Variants in SPTBN2 observed in about 807,000 individuals in gnomAD.
SPTBN2 encodes the protein spectrin beta chain, non-erythrocytic 2.
A neutral mutation model predicts 284.2 loss-of-function variants in SPTBN2; 107 were observed. The ratio of observed to expected loss-of-function variants is 0.38; its 90% CI spans 0.32 to 0.44. The LOEUF (loss-of-function observed/expected upper bound fraction) is 0.44. Among genes scored for constraint, SPTBN2 ranks in the 20% least tolerant of loss-of-function variants. The probability of loss-of-function intolerance (pLI) is 1.00; values close to 1 mark genes in which losing one functional copy is unlikely to be tolerated. For missense variants in SPTBN2, 2,569 were observed against 3,287.1 expected (o/e 0.78, Z 5.34); for synonymous variants, 1,289 against 1,354.8 (o/e 0.95, Z 1.07).
intron 1 of SPTBN2, among the ~76,000 whole-genome samples, chr11:66,742,228 GAA>G (rs1461531984): frequency 2.0e-5 from 3 of 151,848 alleles, no homozygotes; most frequent in African/African-American, 7.2e-5. Context: ...AGATGAATAA[GAA>G]AAAGTGAAGA....
At chr11:66,692,407 C>T (rs778442093) in intron 26 of SPTBN2, 129 bp downstream of exon 26, 19 of 1,070,376 alleles carry the variant, frequency 1.8e-5, no homozygotes, top group Non-Finnish European at 2.6e-5. Flanking sequence ...ACCAGGAGGA[C>T]AGTGCCTGCT....
intron 28 of SPTBN2, 40 bp from the exon 29 acceptor site, chr11:66,689,983 C>G: frequency 6.2e-7 from 1 of 1,613,222 alleles, no homozygotes; most frequent in Non-Finnish European, 8.5e-7. Context: ...CTGCCCACAG[C>G]CCCATCACAG....
intron 1 of SPTBN2, chr11:66,727,912 A>C (rs1255242726): frequency 3.4e-5 from 5 of 146,732 alleles, no homozygotes; most frequent in Non-Finnish European, 6.0e-5. Context: ...ACTGTTCCAG[A>C]CTCTTCTCCC....
chr11:66,698,920 G>A, intron 19 of SPTBN2, 72 bp downstream of exon 19: 1 of 1,602,910 alleles, frequency 6.2e-7, no homozygotes, highest in Non-Finnish European at 8.5e-7. Flanking sequence ...GGTACCTTGT[G>A]CTGGACTTAT....
intron 21 of SPTBN2, among the ~76,000 whole-genome samples, chr11:66,694,571 G>A (rs1940792044): frequency 6.6e-6 from 1 of 152,174 alleles, no homozygotes; most frequent in Non-Finnish European, 1.5e-5. Context: ...AATCCCTATT[G>A]GGTACTGTGC....
At chr11:66,722,628 C>T (rs1452132892) in intron 1 of SPTBN2, among the ~76,000 whole-genome samples, 1 of 146,952 alleles carries the variant, frequency 6.8e-6, no homozygotes, top group African/African-American at 2.5e-5. Context: ...GGCATTGGCT[C>T]ACACCTGTAA....
In SPTBN2 at chr11:66,687,572, C is replaced by T. The variant is rs1235776885; in HGVS notation, c.6577G>A (p.Ala2193Thr). The T allele has an allele frequency of 3.1e-6, 5 of 1,611,576 alleles. No homozygotes were observed. The highest frequency in any genetic ancestry group is 4.2e-6 in the Non-Finnish European group (5 of 1,179,826). The change falls in exon 35 of 38, where the codon GCA (alanine) becomes ACA (threonine). Residue 2193 changes from alanine (A) to threonine (T), a missense_variant. By Grantham distance (58) the Ala-to-Thr change is moderately conservative. Transcript: ENST00000533211. This position sits in a 1 kb window ranked among gnomAD's most constrained non-coding sequence, Gnocchi z 5.2. ...TCGGTAGACCTGCTCTGGGGCATTG[C>T]AGATGGGGCCGGGCCCCGAGTCCGG... ...QTRTRGPAPS[A>T]MPQSRSTESA...
At chr11:66,734,814 A>G (rs1942840931) in intron 1 of SPTBN2, among the ~76,000 whole-genome samples, 1 of 152,232 alleles carries the variant, frequency 6.6e-6, no homozygotes, top group South Asian at 2.1e-4. Flanking sequence ...AGAGAAGAGG[A>G]GTCCTTATTG....
rs747710424 is a variant in SPTBN2 at position 66,698,803 on chromosome 11, CAG to C, written c.3868-20_3868-19del. 6.1e-5 allele frequency: 98 copies of C among 1,612,720 alleles called. 1 individual carries two copies. The highest frequency in any genetic ancestry group is 8.1e-5 in the Non-Finnish European group (96 of 1,179,974). ...AGCTTCAGCTGGACCAAACATAAAA[CAG>C]GGACATTTCCAAGGGAGGGGAGAGG... On this transcript the variant is annotated intron_variant, in intron 19 of 37. Transcript: ENST00000533211.
intron 1 of SPTBN2, among the ~76,000 whole-genome samples, chr11:66,725,707 G>A (rs1320490500): frequency 1.3e-5 from 2 of 152,196 alleles, no homozygotes; most frequent in African/African-American, 4.8e-5. Flanking sequence ...CACTGTTAGT[G>A]CTAGAAGAAT....
intron 1 of SPTBN2, among the ~76,000 whole-genome samples, chr11:66,726,308 T>C (rs1322707002): frequency 1.3e-5 from 2 of 152,222 alleles, no homozygotes; most frequent in Non-Finnish European, 1.5e-5. Context: ...CAAACTTCCA[T>C]GAATCACAAC....
chr11:66,685,043 AG>A lies in SPTBN2; in HGVS notation c.*827del, dbSNP rs1308624366. Among the ~76,000 whole-genome samples, 1 of 152,206 alleles carries A rather than the reference AG, an allele frequency of 6.6e-6. No homozygotes were observed. Among genetic ancestry groups the A allele is most frequent in the Non-Finnish European group, 1.5e-5 (1 of 68,048 alleles). ...CATGGTGAACTACTTTGGTTTAAAAAGAGGCTTGGCATTGGTCAACCCAGCA... is the reference window on the plus strand; with the variant it reads ...CATGGTGAACTACTTTGGTTTAAAAAAGGCTTGGCATTGGTCAACCCAGCA... On this transcript the variant is annotated 3_prime_UTR_variant, in exon 38 of 38. Transcript: ENST00000533211. The surrounding 1 kb of genome is among the most constrained non-coding windows in gnomAD (Gnocchi z 4.4).
At position 66,687,471 on chromosome 11, in the gene SPTBN2, G is replaced by A; in HGVS notation, c.6678C>T (p.Cys2226=). The change falls in exon 35 of 38, where the codon TGC becomes TGT. Residue 2226 remains cysteine (C), a synonymous_variant. Transcript: ENST00000533211. This position sits in a 1 kb window ranked among gnomAD's most constrained non-coding sequence, Gnocchi z 5.2. ...SAQEQMEGML[C]RKQEMEAFGK... ...CGAAGGCCTCCATCTCCTGCTTGCG[G>A]CACAGCATCCCCTCCATCTGCTCCT... is the stretch of plus-strand genomic sequence containing the variant. The A allele has an allele frequency of 1.2e-6, 2 of 1,609,944 alleles. No homozygotes were observed. The highest frequency in any genetic ancestry group is 8.5e-7 in the Non-Finnish European group (1 of 1,179,988).
chr11:66,717,098 G>C (rs1942182835), intron 3 of SPTBN2, among the ~76,000 whole-genome samples: 1 of 152,074 alleles, frequency 6.6e-6, no homozygotes, highest in South Asian at 2.1e-4. Context: ...TTGGGAACTG[G>C]GAAAACAGTG....
Position 66,693,293 on chromosome 11 carries a change from G to A in SPTBN2, c.4747C>T (p.Arg1583Ter), listed in dbSNP as rs766400529. The change falls in exon 24 of 38, where the codon CGA (arginine) becomes TGA (stop). Residue 1583 changes from arginine to a stop codon, truncating the protein, a stop_gained. Coordinates refer to ENST00000533211, the MANE Select transcript of SPTBN2 (RefSeq NM_006946.4). LOFTEE classifies it high-confidence loss of function. The surrounding 1 kb of genome is among the most constrained non-coding windows in gnomAD (Gnocchi z 5.7). ...TGGGCTCGCAGGGCATCCTCCAGTCGCTTCCCTCGAAGTTCCAGCTCGTGG... is the reference window on the plus strand; with the variant it reads ...TGGGCTCGCAGGGCATCCTCCAGTCACTTCCCTCGAAGTTCCAGCTCGTGG... Reference protein sequence around the residue: ...LGHELELRGKRLEDALRAQQF... With the variant: ...LGHELELRGK 6.2e-7 allele frequency: 1 copy of A among 1,613,510 alleles called. No individual in the cohort carries two copies.
At position 66,704,819 on chromosome 11, in the gene SPTBN2, GC is replaced by G. The variant is rs1565135490; in HGVS notation, c.2456del (p.Arg819ProfsTer83). Reference sequence around the variant, plus strand: ...GCACCCGGCTCTGCACCTCGGGCGTGCGGCTCAGTGTGGGGGGCAGGGCTGC... The same window carrying G: ...GCACCCGGCTCTGCACCTCGGGCGTGGGCTCAGTGTGGGGGGCAGGGCTGC... ...QAAALPPTLS[R>X]TPEVQSRVPT... On this transcript the variant is annotated frameshift_variant, in exon 15 of 38. Transcript: ENST00000533211. LOFTEE classifies it high-confidence loss of function. 6.2e-7 allele frequency: 1 copy of G among 1,606,492 alleles called. No homozygotes were observed. The highest frequency in any genetic ancestry group is 1.1e-5 in the South Asian group (1 of 91,030).
chr11:66,722,391 C>T lies in SPTBN2; in HGVS notation c.-113-951G>A, dbSNP rs181348342. ...AGATCGAGACCATCCCTGGCTAACA[C>T]GGTGAAACCCCGTCTCTACTAAAAA... On this transcript the variant is annotated intron_variant, in intron 1 of 37. Transcript: ENST00000533211. Among the ~76,000 whole-genome samples the T allele has an allele frequency of 2.8e-3, 420 of 151,454 alleles. 4 individuals are homozygous for T. Among genetic ancestry groups the T allele is most frequent in the Admixed American group, 6.8e-3 (103 of 15,200 alleles).
chr11:66,741,578 C>T (rs1942895793), intron 1 of SPTBN2, among the ~76,000 whole-genome samples: 1 of 152,158 alleles, frequency 6.6e-6, no homozygotes, highest in African/African-American at 2.4e-5. Context: ...AAATAACTGG[C>T]TCCCTACAGA....
Position 66,691,539 on chromosome 11 carries a change from G to A in SPTBN2, c.5310C>T (p.Ala1770=). 1.2e-5 allele frequency: 19 copies of A among 1,613,206 alleles called. No homozygotes were observed. The highest frequency in any genetic ancestry group is 1.5e-5 in the Non-Finnish European group (18 of 1,180,050). ...GACTGTCCTTCCACTCGGCCACGGTGGCCCGTGCAGCATGGCCCCCAGCAA... is the reference window on the plus strand; with the variant it reads ...GACTGTCCTTCCACTCGGCCACGGTAGCCCGTGCAGCATGGCCCCCAGCAA... ...GLIAGGHAAR[A]TVAEWKDSLN... The change falls in exon 27 of 38, where the codon GCC becomes GCT. Residue 1770 remains alanine, a synonymous_variant. Transcript: ENST00000533211. This position sits in a 1 kb window ranked among gnomAD's most constrained non-coding sequence, Gnocchi z 8.0.
Sources: allele counts gnomAD v4.1 joint callset (sites outside exome capture counted in the v4.1 genomes callset), GRCh38; gene constraint gnomAD v4.1.1; non-coding constraint Gnocchi (gnomAD v3.1); transcripts MANE v1.5; gene names NCBI Gene and HGNC (gene_info 2026-07-23, HGNC 2026-07-21).